The following PRKAG1 variants were observed in gnomAD, a reference collection of about 807,000 sequenced individuals.
PRKAG1 encodes the protein protein kinase AMP-activated non-catalytic subunit gamma 1.
Under a neutral mutation model 48.2 loss-of-function variants are expected in PRKAG1, and 27 were observed. That is an observed-to-expected ratio of 0.56 (90% CI 0.41 to 0.77). The LOEUF (loss-of-function observed/expected upper bound fraction) is 0.77. PRKAG1 is among the 30% of genes least tolerant of loss of function. The pLI is 0.00. For synonymous variants in PRKAG1, 130 were observed against 147.7 expected (o/e 0.88, Z 0.87); for missense variants, 287 against 398.3 (o/e 0.72, Z 2.38).
intron 1 of PRKAG1, chr12:49,017,971 T>A (rs960808175): frequency 6.6e-6 from 1 of 151,954 alleles, no homozygotes; most frequent in Non-Finnish European, 1.5e-5. Context: ...GGGAAGTGTA[T>A]GGGAGGGGTT....
intron 1 of PRKAG1, chr12:49,017,012 C>A: frequency 2.4e-6 from 1 of 409,162 alleles, no homozygotes; most frequent in Non-Finnish European, 4.8e-6. Context: ...CTTGCTCACA[C>A]TGTTCTCTCA....
At chr12:49,009,507 C>T (rs1324150052) in intron 2 of PRKAG1, 1 of 152,106 alleles carries the variant, frequency 6.6e-6, no homozygotes, top group Non-Finnish European at 1.5e-5. Flanking sequence ...ATTTTTGCTA[C>T]TATATTTTTA....
In PRKAG1 at chr12:49,014,267, C is replaced by T. The variant is rs562828650; in HGVS notation, c.10-1157G>A. ...AATCACAGAAGAGAAGAAACCAATA[C>T]TGCTACAATATTGTGCCTTCCAGAA... On this transcript the variant is annotated intron_variant, in intron 1 of 11. Transcript: ENST00000548065. 5.3e-5 allele frequency among the ~76,000 whole-genome samples: 8 copies of T among 152,344 alleles called. No homozygotes were observed. In the South Asian group the frequency reaches 1.7e-3, roughly 32 times the overall value.
At chr12:49,013,846 G>A (rs1319275651) in intron 1 of PRKAG1, among the ~76,000 whole-genome samples, 2 of 152,120 alleles carry the variant, frequency 1.3e-5, no homozygotes, top group African/African-American at 4.8e-5. Context: ...TGAAGAGTTT[G>A]GTTGGGTTTA....
intron 1 of PRKAG1, among the ~76,000 whole-genome samples, chr12:49,013,842 G>A (rs185889592): frequency 2.6e-5 from 4 of 152,228 alleles, no homozygotes; most frequent in African/African-American, 9.6e-5. Flanking sequence ...CTGATGAAGA[G>A]TTTGGTTGGG....
At chr12:49,007,859 CTTTTT>C (rs766217437) in intron 2 of PRKAG1, among the ~76,000 whole-genome samples, 2 of 136,530 alleles carry the variant, frequency 1.5e-5, no homozygotes, top group African/African-American at 2.7e-5. Flanking sequence ...GTATTTCAAT[CTTTTT>C]TTTTTTTTTT....
intron 2 of PRKAG1, chr12:49,008,667 C>G (rs756837337): frequency 5.3e-5 from 8 of 152,088 alleles, no homozygotes; most frequent in Non-Finnish European, 1.0e-4. Flanking sequence ...TTTATTCTAC[C>G]CTCATCCTTG....
Position 49,005,946 on chromosome 12 carries a change from A to G in PRKAG1, c.59-94T>C. 1.1e-6 allele frequency: 1 copy of G among 890,474 alleles called. No homozygotes were observed. The highest frequency in any genetic ancestry group is 2.5e-5 in the East Asian group (1 of 39,658). 55.2% of individuals were successfully genotyped at this position (890,474 alleles called of 1,614,324 possible). A position where few individuals can be genotyped will look rare whatever the true frequency, so the allele number is the denominator to read the frequency against. On this transcript the variant is annotated intron_variant, in intron 2 of 11. Coordinates refer to ENST00000548065, the MANE Select transcript of PRKAG1 (RefSeq NM_002733.5). This position sits in a 1 kb window ranked among gnomAD's most constrained non-coding sequence, Gnocchi z 4.1. ...AAAATAGTGTTCTAGTATCTCAAAT[A>G]TTTAGAGCATTATTTTTTAATAAGA...
intron 2 of PRKAG1, among the ~76,000 whole-genome samples, chr12:49,007,568 T>A (rs746279691): frequency 6.6e-6 from 1 of 152,052 alleles, no homozygotes; most frequent in Non-Finnish European, 1.5e-5. Context: ...TAAGAAAAAA[T>A]TGCACTCCTT....
In PRKAG1 at chr12:49,007,494, ATTT is replaced by A. The variant is rs1046969684; in HGVS notation, c.59-1645_59-1643del. 1.2e-4 allele frequency among the ~76,000 whole-genome samples: 19 copies of A among 152,210 alleles called. No individual in the cohort carries two copies. In the Middle Eastern group the frequency reaches 0.014, roughly 109 times the overall value. ...TTAATCAATTTGGTTTTTAATATTTATTTTTTTAACCAAAGTTATATAGACACA... is the reference window on the plus strand; with the variant it reads ...TTAATCAATTTGGTTTTTAATATTTATTTTAACCAAAGTTATATAGACACA... On this transcript the variant is annotated intron_variant, in intron 2 of 11. Transcript: ENST00000548065.
At position 49,004,635 on chromosome 12, in the gene PRKAG1, T is replaced by C; in HGVS notation, c.411-2A>G. 1.2e-6 allele frequency: 2 copies of C among 1,613,972 alleles called. No homozygotes were observed. The highest frequency in any genetic ancestry group is 1.7e-6 in the Non-Finnish European group (2 of 1,179,970). ...AATGAAGAGACAGCATCAAACAAGC[T>C]GTGAGAGGGTGGGAGATAATAAGTT... On this transcript the variant is annotated splice_acceptor_variant, in intron 7 of 11. Coordinates refer to ENST00000548065, the MANE Select transcript of PRKAG1 (RefSeq NM_002733.5). LOFTEE classifies it high-confidence loss of function.
chr12:49,004,788 AGT>A, intron 7 of PRKAG1, 155 bp from the exon 8 acceptor site: 12 of 1,289,822 alleles, frequency 9.3e-6, no homozygotes, highest in Non-Finnish European at 1.3e-5. Context: ...AGAGAGAGAG[AGT>A]GAGAATGAGA....
chr12:49,018,416 G>T, intron 1 of PRKAG1: 1 of 1,250,582 alleles, frequency 8.0e-7, no homozygotes, highest in Non-Finnish European at 1.0e-6. Context: ...ACCTCTAAAA[G>T]GGCTTGAGGT....
rs1293535098 is a variant in PRKAG1 at position 49,003,828 on chromosome 12, G to T, written c.632C>A (p.Thr211Asn). 6.2e-7 allele frequency: 1 copy of T among 1,614,130 alleles called. No individual in the cohort carries two copies. Among genetic ancestry groups the T allele is most frequent in the African/African-American group, 1.3e-5 (1 of 75,034 alleles). ...AATCCCCAGAGCCACATAGACGGGG[G>T]TGGTAGTGCGAACCATAGCAATATT... ...YANIAMVRTT[T>N]PVYVALGIFV... The change falls in exon 9 of 12, where the codon ACC becomes AAC. Residue 211 changes from threonine to asparagine, a missense_variant. By Grantham distance (65) the Thr-to-Asn change is moderately conservative (BLOSUM62 0). This residue lies in a region of PRKAG1 where 224 missense variants were observed against 344.3 expected (regional missense o/e 0.65). Coordinates refer to ENST00000548065, the MANE Select transcript of PRKAG1 (RefSeq NM_002733.5).
intron 2 of PRKAG1, among the ~76,000 whole-genome samples, chr12:49,006,519 A>G (rs1467568341): frequency 6.6e-6 from 1 of 152,212 alleles, no homozygotes; most frequent in African/African-American, 2.4e-5. Flanking sequence ...CACCCTGTAA[A>G]TCAGAAATCA....
chr12:49,018,610 C>A, intron 1 of PRKAG1, 122 bp downstream of exon 1: 1 of 1,577,578 alleles, frequency 6.3e-7, no homozygotes, highest in Middle Eastern at 1.7e-4. Flanking sequence ...GGGCAGACAC[C>A]CGGCTGCTTT....
chr12:49,003,818 A>G lies in PRKAG1; in HGVS notation c.642T>C (p.Tyr214=), dbSNP rs201546664. The G allele has an allele frequency of 6.2e-7, 1 of 1,614,086 alleles. No individual in the cohort carries two copies. The highest frequency in any genetic ancestry group is 8.5e-7 in the Non-Finnish European group (1 of 1,179,972). ...GCTGTACAAAAATCCCCAGAGCCAC[A>G]TAGACGGGGGTGGTAGTGCGAACCA... The part of the protein sequence containing the change: ...IAMVRTTTPV[Y]VALGIFVQHR... Residue 214 remains tyrosine (Y), a synonymous_variant, in exon 9 of 12, where the codon TAT becomes TAC. Transcript: ENST00000548065.
chr12:49,011,848 C>T (rs1415707645), intron 2 of PRKAG1, among the ~76,000 whole-genome samples: 1 of 135,966 alleles, frequency 7.4e-6, no homozygotes, highest in East Asian at 2.2e-4. Flanking sequence ...AGGCGTGAGC[C>T]ACCACACCCA....
chr12:49,008,117 C>T (rs577037432), intron 2 of PRKAG1, among the ~76,000 whole-genome samples: 1 of 152,054 alleles, frequency 6.6e-6, no homozygotes, highest in Non-Finnish European at 1.5e-5. Context: ...CTTTGGCCTC[C>T]CAAAGTGCTG....
Sources: gnomAD v4.1 joint callset for allele counts (sites outside exome capture counted in the v4.1 genomes callset) on GRCh38, gnomAD v4.1.1 for gene constraint, gnomAD v4.1.1 regional missense constraint, Gnocchi (gnomAD v3.1) non-coding constraint, MANE v1.5 for transcripts, NCBI Gene and HGNC (gene_info 2026-07-23, HGNC 2026-07-21) for gene names.